The following PNO1 variants were observed in gnomAD, a reference collection of about 807,000 sequenced individuals.
PNO1 encodes the protein partner of NOB1 homolog.
In PNO1, 16 loss-of-function variants were observed where a neutral mutation model predicts 28.4. The ratio of observed to expected loss-of-function variants is 0.56; its 90% CI spans 0.38 to 0.85. PNO1 has a LOEUF of 0.85. Ranked by LOEUF, PNO1 falls within the 40% of genes least tolerant of loss-of-function variation. PNO1 has a pLI of 0.00. For synonymous variants in PNO1, 115 were observed against 110.8 expected, an observed-to-expected ratio of 1.04 and a Z score of -0.24; for missense variants, 304 against 312.2, an observed-to-expected ratio of 0.97 and a Z score of 0.20.
intron 5 of PNO1, among the ~76,000 whole-genome samples, chr2:68,170,296 G>A (rs993492385): frequency 8.5e-5 from 13 of 152,180 alleles, no homozygotes; most frequent in African/African-American, 2.9e-4. Context: ...TTGCCTCTGT[G>A]TCTTGAAGCC....
chr2:68,174,778 T>G lies in PNO1; in HGVS notation c.735T>G (p.Ala245=), dbSNP rs781065468. 1.1e-5 allele frequency: 17 copies of G among 1,609,750 alleles called. No homozygotes were observed. The highest frequency in any genetic ancestry group is 1.4e-5 in the Non-Finnish European group (16 of 1,176,474). Reference sequence around the variant, plus strand: ...TTTATGGCAATATTCGAGCTGTGGCTAGCAGATCAGCAGATCGATTCTGAT... The same window carrying G: ...TTTATGGCAATATTCGAGCTGTGGCGAGCAGATCAGCAGATCGATTCTGAT... ...SKVYGNIRAV[A]SRSADRF Residue 245 remains alanine (A), a synonymous_variant, in exon 7 of 7, where the codon GCT becomes GCG. Coordinates refer to ENST00000263657, the MANE Select transcript of PNO1 (RefSeq NM_020143.4).
intron 5 of PNO1, among the ~76,000 whole-genome samples, chr2:68,165,347 G>A (rs1381346000): frequency 1.5e-5 from 2 of 135,708 alleles, no homozygotes; most frequent in African/African-American, 5.7e-5. Context: ...CTGGGCGACA[G>A]AGCGAGACTC....
rs773340980 is a variant in PNO1 at position 68,174,715 on chromosome 2, C to G, written c.692-20C>G. ...AAATGTGAGTTTATTTGTGTATATACTTTTTTTTCCCCTTTGCAGGAAATC... is the reference window on the plus strand; with the variant it reads ...AAATGTGAGTTTATTTGTGTATATAGTTTTTTTTCCCCTTTGCAGGAAATC... On this transcript the variant is annotated intron_variant, in intron 6 of 6. Coordinates refer to ENST00000263657, the MANE Select transcript of PNO1 (RefSeq NM_020143.4). 6.4e-7 allele frequency: 1 copy of G among 1,570,210 alleles called. No individual in the cohort carries two copies. The highest frequency in any genetic ancestry group is 2.2e-5 in the East Asian group (1 of 44,540).
intron 5 of PNO1, among the ~76,000 whole-genome samples, chr2:68,169,771 C>A (rs1399057119): frequency 2.0e-5 from 3 of 152,114 alleles, no homozygotes; most frequent in African/African-American, 7.2e-5. Flanking sequence ...GTAGCTTTTT[C>A]TTAATTTTTT....
intron 5 of PNO1, among the ~76,000 whole-genome samples, chr2:68,163,905 C>A (rs755673197): frequency 1.2e-4 from 18 of 152,218 alleles, no homozygotes; most frequent in African/African-American, 4.1e-4. Context: ...AGTTGGGAAA[C>A]TGAACAGTTG....
Position 68,162,597 on chromosome 2 carries a change from G to A in PNO1, c.554G>A (p.Gly185Asp). The change falls in exon 5 of 7, where the codon GGC (glycine) becomes GAC (aspartate). Residue 185 changes from glycine (G) to aspartate (D), a missense_variant. Physicochemically the swap from Gly to Asp is moderately conservative, Grantham distance 94. Coordinates refer to ENST00000263657, the MANE Select transcript of PNO1 (RefSeq NM_020143.4). Reference sequence around the variant, plus strand: ...TCCAGGGCAATAGGAAGAATCGCTGGCAAAGGAGGAAAAACCAAATTCACC... The same window carrying A: ...TCCAGGGCAATAGGAAGAATCGCTGACAAAGGAGGAAAAACCAAATTCACC... The part of the protein sequence containing the change: ...HLSRAIGRIA[G>D]KGGKTKFTIE... 1 of 1,613,986 alleles carries A rather than the reference G, an allele frequency of 6.2e-7. No individual in the cohort carries two copies. The highest frequency in any genetic ancestry group is 8.5e-7 in the Non-Finnish European group (1 of 1,179,898).
rs2103700560 is a variant in PNO1 at position 68,175,814 on chromosome 2, CA to C, written c.*1013del. On this transcript the variant is annotated 3_prime_UTR_variant, in exon 7 of 7. Transcript: ENST00000263657. The stretch of plus-strand genomic sequence containing the variant: ...TGATGGGTTTAGGTCCAGATAAGCC[CA>C]CTGTGAGTTGAAAATACCAAAAGTC... 1 of 152,268 alleles carries C rather than the reference CA, an allele frequency of 6.6e-6. No homozygotes were observed. Among genetic ancestry groups the C allele is most frequent in the African/African-American group, 2.4e-5 (1 of 41,548 alleles). The allele number at this position is 152,268 out of a possible 1,614,324, so 9.4% of individuals were successfully genotyped here. A position where few individuals can be genotyped will look rare whatever the true frequency, so the allele number is the denominator to read the frequency against.
At position 68,157,898 on chromosome 2, in the gene PNO1, A is replaced by C; in HGVS notation, c.-37A>C. On this transcript the variant is annotated 5_prime_UTR_variant, in exon 1 of 7. Coordinates refer to ENST00000263657, the MANE Select transcript of PNO1 (RefSeq NM_020143.4). Reference sequence around the variant, plus strand: ...TGGCTTCTGCGTGGTGCAGCTGCGCACGTGTTTCAGCCGGCAGCGCTTTAA... The same window carrying C: ...TGGCTTCTGCGTGGTGCAGCTGCGCCCGTGTTTCAGCCGGCAGCGCTTTAA... 1 of 1,583,320 alleles carries C rather than the reference A, an allele frequency of 6.3e-7. No homozygotes were observed. Among genetic ancestry groups the C allele is most frequent in the South Asian group, 1.1e-5 (1 of 90,388 alleles).
rs762613256 is a variant in PNO1 at position 68,158,412 on chromosome 2, C to T, written c.240C>T (p.Val80=). The change falls in exon 2 of 7, where the codon GTC becomes GTT. Residue 80 remains valine, a synonymous_variant. Coordinates refer to ENST00000263657, the MANE Select transcript of PNO1 (RefSeq NM_020143.4). ...SGKEETRKIP[V]PANRYTPLKE... ...AAGAAGAAACAAGGAAAATTCCAGTCCCAGCTAACAGATACACACCATTGA... is the reference window on the plus strand; with the variant it reads ...AAGAAGAAACAAGGAAAATTCCAGTTCCAGCTAACAGATACACACCATTGA... 2.0e-5 allele frequency: 32 copies of T among 1,612,140 alleles called. No homozygotes were observed. The Middle Eastern group carries it at 6.6e-4, about 33-fold the overall frequency.
At position 68,158,087 on chromosome 2, in the gene PNO1, G is replaced by A. The variant is rs918989201; in HGVS notation, c.153G>A (p.Glu51=). 6.2e-7 allele frequency: 1 copy of A among 1,612,742 alleles called. No individual in the cohort carries two copies. The highest frequency in any genetic ancestry group is 1.1e-5 in the South Asian group (1 of 91,010). ...ATGCGGGCCGCATGGACACAGAGGA[G>A]GCCAGGCCGGCGAAGAGGCCCGTCT... ...GGDAGRMDTE[E]ARPAKRPVFP... The change falls in exon 1 of 7, where the codon GAG becomes GAA. Residue 51 remains glutamate, a synonymous_variant. Transcript: ENST00000263657.
At chr2:68,174,329 GTC>G (rs1674214469) in intron 6 of PNO1, among the ~76,000 whole-genome samples, 1 of 71,936 alleles carries the variant, frequency 1.4e-5, no homozygotes, top group Admixed American at 1.6e-4. Flanking sequence ...CAATTAAAAT[GTC>G]TCTGTTCTTT....
chr2:68,160,003 C>T (rs1013309198), intron 2 of PNO1, among the ~76,000 whole-genome samples: 1 of 139,476 alleles, frequency 7.2e-6, no homozygotes, highest in African/African-American at 2.8e-5. Flanking sequence ...GAGTCTTGCT[C>T]CGTTGCCCAG....
chr2:68,165,578 G>T (rs866554626), intron 5 of PNO1, among the ~76,000 whole-genome samples: 3 of 148,530 alleles, frequency 2.0e-5, no homozygotes, highest in Middle Eastern at 7.1e-3. Flanking sequence ...GCTGGGCATG[G>T]TGCCTCACAC....
At chr2:68,162,366 G>A (rs577975219) in intron 4 of PNO1, 41 bp downstream of exon 4, 3 of 1,462,730 alleles carry the variant, frequency 2.1e-6, no homozygotes, top group African/African-American at 2.8e-5. Context: ...CGCTGACTTT[G>A]TATTGTGATG....
At chr2:68,162,122 G>A (rs1233266537) in intron 3 of PNO1, 143 bp from the exon 4 acceptor site, 5 of 631,232 alleles carry the variant, frequency 7.9e-6, no homozygotes, top group Non-Finnish European at 1.4e-5. Flanking sequence ...CTGGGCGACA[G>A]CGTAAGACTC....
At chr2:68,173,537 T>G in intron 6 of PNO1, 120 bp downstream of exon 6, 1 of 608,328 alleles carries the variant, frequency 1.6e-6, no homozygotes, top group Non-Finnish European at 2.9e-6. Flanking sequence ...GTAGAAACCC[T>G]TGGGAGTTGG....
At chr2:68,159,473 T>C (rs1287442208) in intron 2 of PNO1, among the ~76,000 whole-genome samples, 1 of 152,052 alleles carries the variant, frequency 6.6e-6, no homozygotes, top group Non-Finnish European at 1.5e-5. Context: ...CCCAAAGTGC[T>C]GGGATTACAG....
At chr2:68,160,700 A>G (rs990426006) in intron 2 of PNO1, among the ~76,000 whole-genome samples, 1 of 152,174 alleles carries the variant, frequency 6.6e-6, no homozygotes, top group African/African-American at 2.4e-5. Flanking sequence ...TAATAAGGGA[A>G]ATTTTCTATT....
At chr2:68,160,078 C>T (rs1451812513) in intron 2 of PNO1, among the ~76,000 whole-genome samples, 3 of 150,120 alleles carry the variant, frequency 2.0e-5, no homozygotes, top group Non-Finnish European at 2.9e-5. Flanking sequence ...ATGCCATTCT[C>T]CTGCCTCAGC....
Sources: gnomAD v4.1 joint callset for allele counts (sites outside exome capture counted in the v4.1 genomes callset) on GRCh38, gnomAD v4.1.1 for gene constraint, MANE v1.5 for transcripts, NCBI Gene and HGNC (gene_info 2026-07-23, HGNC 2026-07-21) for gene names.